Variants in SLC2A12 observed in about 807,000 individuals in gnomAD.
SLC2A12 encodes the protein solute carrier family 2, facilitated glucose transporter member 12.
In SLC2A12, 23 loss-of-function variants were observed where a neutral mutation model predicts 41.8. The observed-to-expected ratio is 0.55, with a 90% CI of 0.40 to 0.78. The LOEUF (loss-of-function observed/expected upper bound fraction) is 0.78. SLC2A12 is among the 30% of genes least tolerant of loss of function. SLC2A12 has a pLI of 0.00. For missense variants in SLC2A12, 654 were observed against 745.6 expected, an observed-to-expected ratio of 0.88 and a Z score of 1.43; for synonymous variants, 295 against 285.9, an observed-to-expected ratio of 1.03 and a Z score of -0.32.
chr6:134,044,294 G>A (rs970554280), intron 1 of SLC2A12, among the ~76,000 whole-genome samples: 6 of 152,206 alleles, frequency 3.9e-5, no homozygotes, highest in Middle Eastern at 3.4e-3. Flanking sequence ...GATGCCTTTC[G>A]TTTCTCACCA....
intron 1 of SLC2A12, among the ~76,000 whole-genome samples, chr6:134,045,132 C>A (rs1434613250): frequency 2.0e-5 from 3 of 152,196 alleles, no homozygotes; most frequent in African/African-American, 7.2e-5. Flanking sequence ...TGTCAGTCAG[C>A]TCAGAGCTCT....
At chr6:133,991,475 A>G (rs1776622663) in intron 4 of SLC2A12, among the ~76,000 whole-genome samples, 167 bp from the exon 5 acceptor site, 1 of 152,206 alleles carries the variant, frequency 6.6e-6, no homozygotes, top group South Asian at 2.1e-4. Flanking sequence ...TCAGTATGCC[A>G]CAGACTTTGG....
In SLC2A12 at chr6:134,029,672, G is replaced by A. The variant is rs1292173955; in HGVS notation, c.153C>T (p.Gly51=). 1 of 1,610,468 alleles carries A rather than the reference G, an allele frequency of 6.2e-7. No individual in the cohort carries two copies. The highest frequency in any genetic ancestry group is 1.3e-5 in the African/African-American group (1 of 74,834). The change falls in exon 2 of 5, where the codon GGC becomes GGT. Residue 51 remains glycine (G), a synonymous_variant. Transcript: ENST00000275230. ...FLSSVTAAVS[G]LLVGYELGII... ...TCCCAAGTTCATAACCCACCAGGAG[G>A]CCACTGACAGCAGCAGTGACAGATG... is the stretch of plus-strand genomic sequence containing the variant.
chr6:134,033,745 G>A (rs1164353344), intron 1 of SLC2A12, among the ~76,000 whole-genome samples: 2 of 152,066 alleles, frequency 1.3e-5, no homozygotes, highest in Non-Finnish European at 2.9e-5. Flanking sequence ...TTCCTTTCTT[G>A]TTTTCCTCTT....
Position 134,028,566 on chromosome 6 carries a change from A to C in SLC2A12, c.1259T>G (p.Met420Arg). 1 of 1,614,184 alleles carries C rather than the reference A, an allele frequency of 6.2e-7. No individual in the cohort carries two copies. Among genetic ancestry groups the C allele is most frequent in the South Asian group, 1.1e-5 (1 of 91,074 alleles). ...GISSHSRSSL[M>R]PLRNDVDKRG... ...CTTATCCACATCATTTCTCAGGGGC[A>C]TGAGTGAGCTTCTGCTATGGGAAGA... Residue 420 changes from methionine (M) to arginine (R), a missense_variant, in exon 2 of 5, where the codon ATG becomes AGG. Transcript: ENST00000275230.
At chr6:134,032,803 T>TATAA (rs71545082) in intron 1 of SLC2A12, among the ~76,000 whole-genome samples, 1 of 131,968 alleles carries the variant, frequency 7.6e-6, no homozygotes, top group Non-Finnish European at 1.7e-5. Context: ...TATATATATA[T>TATAA]AATTTATATC....
chr6:134,049,430 T>C (rs543996593), intron 1 of SLC2A12, among the ~76,000 whole-genome samples: 1 of 152,216 alleles, frequency 6.6e-6, no homozygotes, highest in Non-Finnish European at 1.5e-5. Context: ...AAGTCAGTAT[T>C]GAATCTCCTG....
At chr6:134,041,336 T>C (rs147465315) in intron 1 of SLC2A12, among the ~76,000 whole-genome samples, 137 of 152,104 alleles carry the variant, frequency 9.0e-4, no homozygotes, top group African/African-American at 3.2e-3. Context: ...GAAAGAGAAA[T>C]GACAAGGCAC....
intron 2 of SLC2A12, among the ~76,000 whole-genome samples, chr6:134,024,085 C>G (rs188301213): frequency 6.6e-6 from 1 of 152,234 alleles, no homozygotes; most frequent in African/African-American, 2.4e-5. Context: ...ACTGGTTCCC[C>G]TTGTTGGAGT....
At position 133,991,244 on chromosome 6, in the gene SLC2A12, G is replaced by C; in HGVS notation, c.1765C>G (p.Pro589Ala). The change falls in exon 5 of 5, where the codon CCT (proline) becomes GCT (alanine). Residue 589 changes from proline (P) to alanine (A), a missense_variant. Physicochemically the swap from Pro to Ala is conservative, Grantham distance 27. Coordinates refer to ENST00000275230, the MANE Select transcript of SLC2A12 (RefSeq NM_145176.3). ...HHQEELVPKQ[P>A]QKRKPQEQLL... is the part of the protein sequence containing the mutation. ...TGCTCCTGGGGTTTTCTTTTTTGAGGCTGTTTTGGCACTAATTCTTCTTGG... is the reference window on the plus strand; with the variant it reads ...TGCTCCTGGGGTTTTCTTTTTTGAGCCTGTTTTGGCACTAATTCTTCTTGG... The C allele has an allele frequency of 6.2e-7, 1 of 1,613,940 alleles. No individual in the cohort carries two copies.
intron 1 of SLC2A12, among the ~76,000 whole-genome samples, chr6:134,049,636 G>GAACATGTCCATGA (rs1163800338): frequency 1.3e-5 from 2 of 151,802 alleles, no homozygotes; most frequent in African/African-American, 2.4e-5. Context: ...AGATGGATTG[G>GAACATGTCCATGA]AACATGTCCA....
At chr6:134,034,051 A>C (rs904388274) in intron 1 of SLC2A12, among the ~76,000 whole-genome samples, 3 of 152,128 alleles carry the variant, frequency 2.0e-5, no homozygotes, top group Non-Finnish European at 2.9e-5. Flanking sequence ...TTCCCCTTGA[A>C]ACCCATGGAG....
chr6:134,007,058 T>C, intron 2 of SLC2A12, 124 bp from the exon 3 acceptor site: 3 of 1,100,452 alleles, frequency 2.7e-6, no homozygotes, highest in Non-Finnish European at 3.9e-6. Flanking sequence ...GGAAGCACCA[T>C]TTCCTACCTC....
At chr6:134,014,216 C>T (rs1415406096) in intron 2 of SLC2A12, among the ~76,000 whole-genome samples, 1 of 152,194 alleles carries the variant, frequency 6.6e-6, no homozygotes, top group Non-Finnish European at 1.5e-5. Flanking sequence ...CTACATCCCT[C>T]GCATGGGCAG....
In SLC2A12 at chr6:133,989,372, C is replaced by G. The variant is rs1211419828; in HGVS notation, c.*1783G>C. 1 of 152,016 alleles carries G rather than the reference C, an allele frequency of 6.6e-6. No individual in the cohort carries two copies. The highest frequency in any genetic ancestry group is 6.6e-5 in the Admixed American group (1 of 15,262). 9.4% of individuals were successfully genotyped at this position (152,016 alleles called of 1,614,324 possible). The stretch of plus-strand genomic sequence containing the variant: ...TAAAAGAAAAATATAAAAGAATGCT[C>G]AAGATACTGAAGTCAAGGTCACTAG... On this transcript the variant is annotated 3_prime_UTR_variant, in exon 5 of 5. Transcript: ENST00000275230.
At chr6:134,039,939 C>T (rs9402561) in intron 1 of SLC2A12, among the ~76,000 whole-genome samples, 3,224 of 152,188 alleles carry the variant, frequency 0.021, 69 homozygotes, top group East Asian at 0.13. Context: ...TGATTGGAGG[C>T]TTCTCGAGGC....
rs548221972 is a variant in SLC2A12 at position 134,046,555 on chromosome 6, C to T, written c.103+5823G>A. Among the ~76,000 whole-genome samples the T allele has an allele frequency of 2.3e-3, 349 of 152,256 alleles. 2 individuals carry two copies. Among genetic ancestry groups the T allele is most frequent in the African/African-American group, 8.0e-3 (331 of 41,554 alleles). On this transcript the variant is annotated intron_variant, in intron 1 of 4. Transcript: ENST00000275230. ...GTGCCTCACGCCTATAATCCCAGCA[C>T]TTTGGGAGGCTGAGGCGGGTGAATT...
rs2114426361 is a variant in SLC2A12, at chr6:134,002,035, T to C, written c.1662A>G (p.Gly554=). The C allele has an allele frequency of 6.2e-7, 1 of 1,608,252 alleles. No individual in the cohort carries two copies. Among genetic ancestry groups the C allele is most frequent in the South Asian group, 1.1e-5 (1 of 90,168 alleles). Reference sequence around the variant, plus strand: ...CCATTGATATTTGTTCCAAAGAGCATCCCTTTGTCTCAGGTATAAACATAA... The same window carrying C: ...CCATTGATATTTGTTCCAAAGAGCACCCCTTTGTCTCAGGTATAAACATAA... The part of the protein sequence containing the change: ...FVVMFIPETK[G]CSLEQISMEL... The change falls in exon 4 of 5, where the codon GGA becomes GGG. Residue 554 remains glycine, a synonymous_variant. Transcript: ENST00000275230.
intron 1 of SLC2A12, among the ~76,000 whole-genome samples, chr6:134,030,667 AC>A (rs1777192069): frequency 6.6e-6 from 1 of 152,234 alleles, no homozygotes. Flanking sequence ...AGGCCTTAGG[AC>A]AGGAAAGTTC....
Sources: allele counts gnomAD v4.1 joint callset (sites outside exome capture counted in the v4.1 genomes callset), GRCh38; gene constraint gnomAD v4.1.1; transcripts MANE v1.5; gene names NCBI Gene and HGNC (gene_info 2026-07-23, HGNC 2026-07-21).